Variants in KCNAB1 observed in about 807,000 individuals in gnomAD.
KCNAB1 encodes potassium voltage-gated channel subfamily A regulatory beta subunit 1.
A neutral mutation model predicts 64.6 loss-of-function variants in KCNAB1; 35 were observed. The ratio of observed to expected loss-of-function variants is 0.54; its 90% confidence interval spans 0.41 to 0.72. KCNAB1 has a LOEUF of 0.72. Among genes scored for constraint, KCNAB1 ranks in the 30% least tolerant of loss-of-function variants. The pLI is 0.00. For missense variants in KCNAB1, 401 were observed against 512.9 expected (o/e 0.78, Z 2.11); for synonymous variants, 177 against 183.8 (o/e 0.96, Z 0.30).
At chr3:156,205,884 T>C (rs1187603848) in intron 1 of KCNAB1, among the ~76,000 whole-genome samples, 3 of 152,216 alleles carry the variant, frequency 2.0e-5, no homozygotes, top group Non-Finnish European at 4.4e-5. Context: ...TCTGAGACTT[T>C]CCCCAGGCCC....
intron 6 of KCNAB1, 104 bp downstream of exon 6, chr3:156,463,850 GA>G (rs1243260734): frequency 1.8e-5 from 15 of 838,452 alleles, no homozygotes; most frequent in Admixed American, 1.8e-4. Flanking sequence ...TTGGCTTAGA[GA>G]GAGGGTTTTT....
chr3:156,141,878 C>G (rs1228096359), intron 1 of KCNAB1, among the ~76,000 whole-genome samples: 2 of 152,172 alleles, frequency 1.3e-5, no homozygotes, highest in African/African-American at 4.8e-5. Flanking sequence ...TTCCTACCAG[C>G]AATTTATGAG....
chr3:156,300,358 G>A (rs550395008), intron 1 of KCNAB1, among the ~76,000 whole-genome samples: 29 of 152,266 alleles, frequency 1.9e-4, no homozygotes, highest in African/African-American at 5.3e-4. Flanking sequence ...CTTGAAAACC[G>A]TTACTACAAC....
At chr3:156,382,669 G>A (rs1712257051) in intron 1 of KCNAB1, among the ~76,000 whole-genome samples, 1 of 152,136 alleles carries the variant, frequency 6.6e-6, no homozygotes, top group Non-Finnish European at 1.5e-5. Flanking sequence ...GGGGCCATGG[G>A]AACAGTTCTG....
At chr3:156,173,299 C>T (rs1712130348) in intron 1 of KCNAB1, among the ~76,000 whole-genome samples, 2 of 152,080 alleles carry the variant, frequency 1.3e-5, no homozygotes, top group Non-Finnish European at 2.9e-5. Flanking sequence ...AGTGAGTTAA[C>T]CAGGGTGTTT....
chr3:156,205,605 A>C (rs1053050948), intron 1 of KCNAB1, among the ~76,000 whole-genome samples: 2 of 152,104 alleles, frequency 1.3e-5, no homozygotes, highest in African/African-American at 4.8e-5. Context: ...ATCGATCATC[A>C]AGTCCAGTTG....
At chr3:156,481,844 C>T (rs1714830134) in intron 8 of KCNAB1, among the ~76,000 whole-genome samples, 1 of 152,118 alleles carries the variant, frequency 6.6e-6, no homozygotes, top group Admixed American at 6.6e-5. Context: ...AAACATAAAG[C>T]ACCATCTGAA....
intron 1 of KCNAB1, among the ~76,000 whole-genome samples, chr3:156,209,942 C>A (rs927500056): frequency 1.3e-5 from 2 of 152,150 alleles, no homozygotes; most frequent in Non-Finnish European, 2.9e-5. Flanking sequence ...ACATTAGAGA[C>A]AATTTCTTGA....
chr3:156,230,009 G>A (rs994241757), intron 1 of KCNAB1, among the ~76,000 whole-genome samples: 7 of 152,138 alleles, frequency 4.6e-5, no homozygotes, highest in Admixed American at 3.9e-4. Context: ...GGTGCTGAAT[G>A]TTCTACTTGT....
At chr3:156,285,083 A>G (rs192014413) in intron 1 of KCNAB1, among the ~76,000 whole-genome samples, 280 of 152,346 alleles carry the variant, frequency 1.8e-3, no homozygotes, top group Non-Finnish European at 3.2e-3. Flanking sequence ...GTTTAAAAAG[A>G]TTCTTTTGAT....
intron 2 of KCNAB1, among the ~76,000 whole-genome samples, chr3:156,434,535 G>A (rs1453510412): frequency 6.6e-6 from 1 of 151,978 alleles, no homozygotes; most frequent in Non-Finnish European, 1.5e-5. Flanking sequence ...ATCAGAAAAA[G>A]ATCTCTAATA....
intron 2 of KCNAB1, 112 bp downstream of exon 2, chr3:156,421,771 T>C: frequency 1.2e-6 from 1 of 866,634 alleles, no homozygotes; most frequent in Admixed American, 2.1e-5. Flanking sequence ...AGGAGGAGGC[T>C]TCCTGGCCAG....
chr3:156,159,543 A>G (rs1219577848), intron 1 of KCNAB1, among the ~76,000 whole-genome samples: 1 of 152,224 alleles, frequency 6.6e-6, no homozygotes, highest in Non-Finnish European at 1.5e-5. Context: ...TCAACTCTTC[A>G]GTAAGTACAA....
chr3:156,248,390 A>T (rs1465574763), intron 1 of KCNAB1, among the ~76,000 whole-genome samples: 2 of 151,886 alleles, frequency 1.3e-5, no homozygotes, highest in Non-Finnish European at 2.9e-5. Context: ...TGTAAGACAT[A>T]GCTCTTAAAG....
chr3:156,164,063 A>G (rs1221462655), intron 1 of KCNAB1, among the ~76,000 whole-genome samples: 61 of 152,124 alleles, frequency 4.0e-4, no homozygotes, highest in Non-Finnish European at 1.5e-4. Context: ...CTGTTTCTTA[A>G]CCCACTGGCG....
At chr3:156,232,523 C>T (rs979121349) in intron 1 of KCNAB1, among the ~76,000 whole-genome samples, 5 of 152,340 alleles carry the variant, frequency 3.3e-5, no homozygotes, top group African/African-American at 1.2e-4. Flanking sequence ...AGCTAAACTA[C>T]AGGCTTGGCC....
intron 1 of KCNAB1, among the ~76,000 whole-genome samples, chr3:156,402,747 G>C (rs1280176217): frequency 2.0e-5 from 3 of 152,186 alleles, no homozygotes; most frequent in African/African-American, 7.2e-5. Context: ...AGACCAGCTT[G>C]TAATTATACC....
At chr3:156,355,610 A>C (rs962927942) in intron 1 of KCNAB1, among the ~76,000 whole-genome samples, 3 of 152,222 alleles carry the variant, frequency 2.0e-5, no homozygotes, top group Admixed American at 2.0e-4. Flanking sequence ...CTCAAAAGTT[A>C]GAATTGTTTT....
chr3:156,188,758 G>T (rs1713369300), intron 1 of KCNAB1, among the ~76,000 whole-genome samples: 1 of 152,174 alleles, frequency 6.6e-6, no homozygotes, highest in Admixed American at 6.5e-5. Flanking sequence ...TGGTGTCTCA[G>T]TTGTAATCAT....
Sources: allele counts gnomAD v4.1 joint callset (sites outside exome capture counted in the v4.1 genomes callset), GRCh38; gene constraint gnomAD v4.1.1; transcripts MANE v1.5; gene names NCBI Gene and HGNC (gene_info 2026-07-23, HGNC 2026-07-21).